Variants in CACHD1 observed in about 807,000 individuals in gnomAD.
CACHD1 encodes VWFA and cache domain-containing protein 1.
A neutral mutation model predicts 138.7 loss-of-function variants in CACHD1; 71 were observed. The ratio of observed to expected loss-of-function variants is 0.51; its 90% CI spans 0.42 to 0.62. The LOEUF (loss-of-function observed/expected upper bound fraction) is 0.62. Among genes scored for constraint, CACHD1 ranks in the 20% least tolerant of loss-of-function variants. The pLI is 0.00. For missense variants in CACHD1, 1,389 were observed against 1,625.3 expected (o/e 0.85, Z 2.50); for synonymous variants, 578 against 591.5 (o/e 0.98, Z 0.33).
In CACHD1 at chr1:64,679,455, G is replaced by A; in HGVS notation, c.3245-140G>A. On this transcript the variant is annotated intron_variant, in intron 23 of 26. Coordinates refer to ENST00000651257, the MANE Select transcript of CACHD1 (RefSeq NM_020925.4). ...CCACGTTCCCATGCGTCATGTTTGA[G>A]GAACTCAAAGCCTAACTAAGCATCT... 3 of 897,006 alleles carry A rather than the reference G, an allele frequency of 3.3e-6. No individual in the cohort carries two copies. The Admixed American group carries it at 6.7e-5, about 20-fold the overall frequency. 55.6% of individuals were successfully genotyped at this position (897,006 alleles called of 1,614,324 possible).
intron 7 of CACHD1, among the ~76,000 whole-genome samples, chr1:64,637,018 G>C (rs537845908): frequency 6.6e-6 from 1 of 152,302 alleles, no homozygotes; most frequent in South Asian, 2.1e-4. Flanking sequence ...GGGTGGCTGA[G>C]CGTAAAGTTG....
chr1:64,601,228 A>G (rs1465464245), intron 3 of CACHD1, among the ~76,000 whole-genome samples: 1 of 152,226 alleles, frequency 6.6e-6, no homozygotes, highest in Non-Finnish European at 1.5e-5. Flanking sequence ...AGCCTAAACT[A>G]TTATCTATCC....
rs1265637718 is a variant in CACHD1, at chr1:64,676,305, T to G, written c.2975+322T>G. On this transcript the variant is annotated intron_variant, in intron 21 of 26. Coordinates refer to ENST00000651257, the MANE Select transcript of CACHD1 (RefSeq NM_020925.4). ...AGTACGTTATGCACATTAAGTCACT[T>G]AGTGTTCTAATTAACCCTGTGATAA... Among the ~76,000 whole-genome samples the G allele has an allele frequency of 2.6e-5, 4 of 152,226 alleles. No individual in the cohort carries two copies. In the East Asian group the frequency reaches 7.7e-4, roughly 29 times the overall value.
At chr1:64,651,038 T>C (rs1156621900) in intron 9 of CACHD1, among the ~76,000 whole-genome samples, 2 of 152,044 alleles carry the variant, frequency 1.3e-5, no homozygotes, top group Admixed American at 6.5e-5. Flanking sequence ...TTGACCCACC[T>C]CTCTTTCTAC....
intron 16 of CACHD1, among the ~76,000 whole-genome samples, chr1:64,668,334 AAAAAAAAGAAAAAG>A (rs1371642573): frequency 6.6e-6 from 1 of 151,510 alleles, no homozygotes; most frequent in Non-Finnish European, 1.5e-5. Flanking sequence ...CTCAAAAAAA[AAAAAAAAGAAAAAG>A]AAAAAAAGAA....
chr1:64,633,683 C>T (rs953732059), intron 6 of CACHD1, among the ~76,000 whole-genome samples: 1 of 152,170 alleles, frequency 6.6e-6, no homozygotes, highest in Non-Finnish European at 1.5e-5. Flanking sequence ...TTAAAACACA[C>T]ACACCTCACT....
intron 22 of CACHD1, among the ~76,000 whole-genome samples, chr1:64,677,252 A>G (rs1412355239): frequency 6.6e-6 from 1 of 152,288 alleles, no homozygotes; most frequent in Non-Finnish European, 1.5e-5. Flanking sequence ...GTGAGGGGCC[A>G]TGGCATGAAG....
intron 6 of CACHD1, among the ~76,000 whole-genome samples, chr1:64,633,752 A>G (rs1011951761): frequency 1.8e-4 from 27 of 152,170 alleles, no homozygotes; most frequent in Non-Finnish European, 3.7e-4. Context: ...TCTTGCTATG[A>G]CTTTTCTCTG....
intron 1 of CACHD1, among the ~76,000 whole-genome samples, chr1:64,526,101 C>G (rs1646536666): frequency 6.6e-6 from 1 of 152,090 alleles, no homozygotes; most frequent in Non-Finnish European, 1.5e-5. Context: ...TGAGCTCAAC[C>G]CCTTTTGGAC....
intron 3 of CACHD1, among the ~76,000 whole-genome samples, chr1:64,594,502 C>G (rs1647134267): frequency 1.3e-5 from 2 of 152,112 alleles, no homozygotes; most frequent in East Asian, 3.9e-4. Context: ...TGCCATTTCC[C>G]TGTGTGTGCT....
At chr1:64,548,782 C>T (rs908017103) in intron 1 of CACHD1, among the ~76,000 whole-genome samples, 10 of 152,146 alleles carry the variant, frequency 6.6e-5, no homozygotes, top group African/African-American at 9.7e-5. Flanking sequence ...CAGGCTATTC[C>T]GTATTTTGCT....
At chr1:64,569,263 T>C (rs1200041079) in intron 2 of CACHD1, among the ~76,000 whole-genome samples, 1 of 152,050 alleles carries the variant, frequency 6.6e-6, no homozygotes, top group African/African-American at 2.4e-5. Context: ...GAAATACAAA[T>C]AAAAAAATAA....
chr1:64,653,826 A>G lies in CACHD1; in HGVS notation c.1609A>G (p.Ile537Val). ...GTCAGAGCCCCCACTTCATACTGACATCATACATTATGAAAATATTCCAAA... is the reference window on the plus strand; with the variant it reads ...GTCAGAGCCCCCACTTCATACTGACGTCATACATTATGAAAATATTCCAAA... ...LLSEPPLHTD[I>V]IHYENIPKFE... Residue 537 changes from isoleucine to valine, a missense_variant, in exon 11 of 27, where the codon ATC becomes GTC. Physicochemically the swap from Ile to Val is conservative, Grantham distance 29. Transcript: ENST00000651257. 6.2e-7 allele frequency: 1 copy of G among 1,611,998 alleles called. No individual in the cohort carries two copies. The highest frequency in any genetic ancestry group is 8.5e-7 in the Non-Finnish European group (1 of 1,178,140).
At chr1:64,559,487 G>C (rs1646822652) in intron 2 of CACHD1, among the ~76,000 whole-genome samples, 1 of 152,044 alleles carries the variant, frequency 6.6e-6, no homozygotes, top group Admixed American at 6.6e-5. Flanking sequence ...CAGACACTGG[G>C]GTTTACTTGA....
chr1:64,619,177 G>A (rs757796165), intron 4 of CACHD1, among the ~76,000 whole-genome samples: 3 of 152,124 alleles, frequency 2.0e-5, no homozygotes, highest in African/African-American at 4.8e-5. Context: ...GAAGGACAAC[G>A]TCTGGGGGTC....
chr1:64,577,261 T>C (rs756228707), intron 2 of CACHD1, among the ~76,000 whole-genome samples: 2 of 152,166 alleles, frequency 1.3e-5, no homozygotes, highest in Non-Finnish European at 2.9e-5. Flanking sequence ...TTTATATTTG[T>C]GGTAAAATTT....
intron 9 of CACHD1, among the ~76,000 whole-genome samples, chr1:64,651,444 T>C (rs776275949): frequency 3.9e-5 from 6 of 152,236 alleles, no homozygotes; most frequent in Non-Finnish European, 5.9e-5. Flanking sequence ...ATAGTCTCTT[T>C]TGATCTAACA....
chr1:64,582,201 G>A lies in CACHD1; in HGVS notation c.307G>A (p.Val103Ile), dbSNP rs1406862354. 5 of 1,613,888 alleles carry A rather than the reference G, an allele frequency of 3.1e-6. No homozygotes were observed. In the African/African-American group the frequency reaches 4.0e-5, roughly 13 times the overall value. The change falls in exon 3 of 27, where the codon GTC (valine) becomes ATC (isoleucine). Residue 103 changes from valine to isoleucine, a missense_variant. This residue lies in a region of CACHD1 where 1,000 missense variants were observed against 1,114.7 expected (regional missense o/e 0.90). Coordinates refer to ENST00000651257, the MANE Select transcript of CACHD1 (RefSeq NM_020925.4). ...REKFNRYLDV[V>I]NRNKQVVEAS... ...GAAGTTCAACCGTTACTTGGATGTG[G>A]TCAATCGGAACAAGCAAGTTGTAGA...
chr1:64,657,089 A>C (rs532129708), intron 12 of CACHD1, among the ~76,000 whole-genome samples: 2 of 152,122 alleles, frequency 1.3e-5, no homozygotes, highest in Non-Finnish European at 2.9e-5. Context: ...ACCCAAGTGC[A>C]TTTTTTAGCA....
Sources: allele counts gnomAD v4.1 joint callset (sites outside exome capture counted in the v4.1 genomes callset), GRCh38; gene constraint gnomAD v4.1.1; regional missense constraint gnomAD v4.1.1; transcripts MANE v1.5; gene names NCBI Gene and HGNC (gene_info 2026-07-23, HGNC 2026-07-21).